The following CNBD1 variants were observed in gnomAD, a reference collection of about 807,000 sequenced individuals.
CNBD1 encodes the protein cyclic nucleotide-binding domain-containing protein 1.
Under a neutral mutation model 54.4 loss-of-function variants are expected in CNBD1, and 71 were observed. The observed-to-expected ratio is 1.30, with a 90% confidence interval of 1.08 to 1.59. The LOEUF (loss-of-function observed/expected upper bound fraction) is 1.59. CNBD1 is among the 40% of genes most tolerant of loss of function. CNBD1 has a pLI of 0.00. For missense variants in CNBD1, 659 were observed against 518.0 expected (o/e 1.27, Z -2.64); for synonymous variants, 182 against 170.7 (o/e 1.07, Z -0.51).
intron 4 of CNBD1, among the ~76,000 whole-genome samples, chr8:87,149,847 T>C (rs1290246785): frequency 6.6e-6 from 1 of 151,906 alleles, no homozygotes; most frequent in Non-Finnish European, 1.5e-5. Context: ...TCATCCCAAA[T>C]CATGAGAAAA....
At position 87,249,055 on chromosome 8, in the gene CNBD1, T is replaced by C. The variant is rs148522810; in HGVS notation, c.771+11943T>C. ...GCCACTCACTGATAGGGTTTTGTTATGAGTCTGCAAGCAATTGATTTATTA... is the reference window on the plus strand; with the variant it reads ...GCCACTCACTGATAGGGTTTTGTTACGAGTCTGCAAGCAATTGATTTATTA... On this transcript the variant is annotated intron_variant, in intron 6 of 10. Coordinates refer to ENST00000518476, the MANE Select transcript of CNBD1 (RefSeq NM_173538.3). Among the ~76,000 whole-genome samples, 557 of 152,304 alleles carry C rather than the reference T, an allele frequency of 3.7e-3. 2 individuals are homozygous for C. The highest frequency in any genetic ancestry group is 0.012 in the African/African-American group (483 of 41,580).
intron 3 of CNBD1, among the ~76,000 whole-genome samples, chr8:86,932,976 C>A (rs1231586229): frequency 2.6e-5 from 4 of 152,082 alleles, no homozygotes; most frequent in African/African-American, 9.7e-5. Context: ...TATTTAGTGG[C>A]CCTTACCGAC....
intron 10 of CNBD1, among the ~76,000 whole-genome samples, chr8:87,379,077 A>G (rs1400756423): frequency 6.6e-6 from 1 of 151,104 alleles, no homozygotes; most frequent in Non-Finnish European, 1.5e-5. Flanking sequence ...GGTTTTCTAG[A>G]TATACAATCA....
chr8:87,391,732 A>G (rs1811314199), intron 2 of CNBD1, among the ~76,000 whole-genome samples: 2 of 152,092 alleles, frequency 1.3e-5, no homozygotes, highest in African/African-American at 2.4e-5. Flanking sequence ...CTAAAACTGT[A>G]CAACTCTTAG....
At chr8:87,367,754 T>A (rs1307824123) in intron 10 of CNBD1, among the ~76,000 whole-genome samples, 1 of 152,150 alleles carries the variant, frequency 6.6e-6, no homozygotes, top group Non-Finnish European at 1.5e-5. Context: ...GATTAAGTGA[T>A]ATCAATGCTC....
At chr8:87,276,973 A>T (rs13251916) in intron 6 of CNBD1, among the ~76,000 whole-genome samples, 48,839 of 133,312 alleles carry the variant, frequency 0.37, 8,693 homozygotes, top group Non-Finnish European at 0.44. Flanking sequence ...TGGAGCTTGA[A>T]TAATTATTTT....
chr8:87,272,208 C>T (rs1274739650), intron 6 of CNBD1, among the ~76,000 whole-genome samples: 1 of 151,846 alleles, frequency 6.6e-6, no homozygotes, highest in Non-Finnish European at 1.5e-5. Flanking sequence ...ATAGATTGCA[C>T]ATTTCAAAAT....
chr8:87,347,169 TG>T (rs1392871955), intron 8 of CNBD1, among the ~76,000 whole-genome samples: 1 of 152,230 alleles, frequency 6.6e-6, no homozygotes, highest in African/African-American at 2.4e-5. Flanking sequence ...TTTTTATTAA[TG>T]TTTTTTGATA....
chr8:86,970,413 G>T (rs1808192596), intron 4 of CNBD1, among the ~76,000 whole-genome samples: 1 of 151,892 alleles, frequency 6.6e-6, no homozygotes. Context: ...TCCCCTTTTA[G>T]CTAGGACTTA....
At chr8:87,291,193 A>T (rs1419941772) in intron 8 of CNBD1, among the ~76,000 whole-genome samples, 1 of 152,172 alleles carries the variant, frequency 6.6e-6, no homozygotes, top group Non-Finnish European at 1.5e-5. Flanking sequence ...TTTTAATTTT[A>T]ATAATTCTTC....
In CNBD1 at chr8:86,913,624, G is replaced by C. The variant is rs140954147; in HGVS notation, c.272+8430G>C. 1.3e-4 allele frequency among the ~76,000 whole-genome samples: 20 copies of C among 152,212 alleles called. No individual in the cohort carries two copies. In the East Asian group the frequency reaches 3.9e-3, roughly 29 times the overall value. On this transcript the variant is annotated intron_variant, in intron 3 of 10. Transcript: ENST00000518476. ...TCAAAGGGGAGGGAATGCACAAATA[G>C]GGTGTTGTTCACAGAGATCACATGC...
chr8:86,899,280 G>A (rs1808896435), intron 2 of CNBD1, among the ~76,000 whole-genome samples: 1 of 151,908 alleles, frequency 6.6e-6, no homozygotes, highest in African/African-American at 2.4e-5. Context: ...TAATAACATT[G>A]CACTGTATTT....
chr8:87,153,966 G>T (rs1052941420), intron 4 of CNBD1, among the ~76,000 whole-genome samples: 6 of 152,172 alleles, frequency 3.9e-5, no homozygotes, highest in African/African-American at 1.4e-4. Context: ...GTAGTGGCAC[G>T]GAACTGAAGG....
At chr8:87,411,581 T>C (rs1807747895) in intron 2 of CNBD1, among the ~76,000 whole-genome samples, 1 of 150,652 alleles carries the variant, frequency 6.6e-6, no homozygotes, top group South Asian at 2.1e-4. Context: ...ATTAAATTTA[T>C]TGAAGTTTTA....
intron 4 of CNBD1, among the ~76,000 whole-genome samples, chr8:86,962,613 G>A (rs746208176): frequency 5.9e-5 from 9 of 151,952 alleles, no homozygotes; most frequent in African/African-American, 1.5e-4. Flanking sequence ...GTGAAACACC[G>A]TCTCTACTAA....
intron 3 of CNBD1, 87 bp from the exon 4 acceptor site, chr8:86,939,509 T>G: frequency 1.1e-6 from 1 of 909,866 alleles, no homozygotes; most frequent in Non-Finnish European, 1.6e-6. Flanking sequence ...AAACAGTGCA[T>G]TTATACTCCT....
chr8:87,310,193 A>G (rs955151694), intron 8 of CNBD1, among the ~76,000 whole-genome samples: 2 of 151,990 alleles, frequency 1.3e-5, no homozygotes, highest in Non-Finnish European at 2.9e-5. Flanking sequence ...CATCTCTACA[A>G]AAAAGTTTAA....
chr8:87,263,550 T>C (rs2130851022), intron 6 of CNBD1, among the ~76,000 whole-genome samples: 1 of 152,274 alleles, frequency 6.6e-6, no homozygotes, highest in East Asian at 1.9e-4. Context: ...AAGTAATTGT[T>C]TTTTTCAAAG....
intron 3 of CNBD1, among the ~76,000 whole-genome samples, chr8:86,929,591 G>A (rs570152482): frequency 6.6e-6 from 1 of 152,322 alleles, no homozygotes; most frequent in East Asian, 1.9e-4. Context: ...AGTCATGCTC[G>A]ATTGGTTCCC....
Sources: gnomAD v4.1 joint callset for allele counts (sites outside exome capture counted in the v4.1 genomes callset) on GRCh38, gnomAD v4.1.1 for gene constraint, MANE v1.5 for transcripts, NCBI Gene and HGNC (gene_info 2026-07-23, HGNC 2026-07-21) for gene names.